LHX4: variants seen among roughly 807,000 people sequenced by gnomAD.
The protein encoded by LHX4 is LIM homeobox 4.
Under a neutral mutation model 39.2 loss-of-function variants are expected in LHX4, and 16 were observed. That is an observed-to-expected ratio of 0.41 (90% CI 0.28 to 0.62). The LOEUF (loss-of-function observed/expected upper bound fraction) is 0.62, where lower values mean the gene tolerates loss of function less well. Among genes scored for constraint, LHX4 ranks in the 20% least tolerant of loss-of-function variants. LHX4 has a pLI of 0.33. For missense variants in LHX4, 439 were observed against 511.9 expected, an observed-to-expected ratio of 0.86 and a Z score of 1.37; for synonymous variants, 206 against 198.1, an observed-to-expected ratio of 1.04 and a Z score of -0.33.
At chr1:180,228,578 T>A (rs1360145035), upstream of LHX4, among the ~76,000 whole-genome samples, 2 of 152,248 alleles carry the variant, frequency 1.3e-5, 1 homozygote, top group African/African-American at 4.8e-5. Context: ...CACATTTTGG[T>A]AAACACTAAA....
intron 1 of LHX4, among the ~76,000 whole-genome samples, chr1:180,241,173 G>A (rs1021015449): frequency 6.6e-6 from 1 of 152,332 alleles, no homozygotes; most frequent in African/African-American, 2.4e-5. Flanking sequence ...GAGAGACCAA[G>A]ATTTGGCAAC....
chr1:180,252,219 A>G (rs942826734), intron 2 of LHX4, among the ~76,000 whole-genome samples: 1 of 152,162 alleles, frequency 6.6e-6, no homozygotes, highest in Non-Finnish European at 1.5e-5. Flanking sequence ...GGGCACACAC[A>G]CAGTGGAGGT....
At chr1:180,269,468 A>G (rs1178883490) in intron 3 of LHX4, among the ~76,000 whole-genome samples, 2 of 152,244 alleles carry the variant, frequency 1.3e-5, no homozygotes, top group African/African-American at 4.8e-5. Context: ...TTAAAATAAC[A>G]GCATATTAGT....
At chr1:180,242,582 G>C (rs1664466658) in intron 1 of LHX4, among the ~76,000 whole-genome samples, 1 of 152,086 alleles carries the variant, frequency 6.6e-6, no homozygotes, top group African/African-American at 2.4e-5. Context: ...GGTACATGTG[G>C]GCTTAGGTCT....
At chr1:180,257,080 C>A (rs149142638) in intron 2 of LHX4, among the ~76,000 whole-genome samples, 17 of 152,326 alleles carry the variant, frequency 1.1e-4, no homozygotes, top group African/African-American at 4.1e-4. Flanking sequence ...CTGCACGTCC[C>A]GTTGCCTCTT....
chr1:180,229,676 G>A (rs946939451), upstream of LHX4, among the ~76,000 whole-genome samples: 8 of 151,924 alleles, frequency 5.3e-5, no homozygotes, highest in African/African-American at 1.9e-4. Flanking sequence ...GTCCGGCGGA[G>A]CGAAGCCGGG....
intron 1 of LHX4, among the ~76,000 whole-genome samples, chr1:180,237,136 C>T (rs1048492534): frequency 3.9e-5 from 6 of 151,972 alleles, no homozygotes; most frequent in Non-Finnish European, 8.8e-5. Flanking sequence ...TCTGTCTATC[C>T]CTTCCTTCCT....
intron 1 of LHX4, among the ~76,000 whole-genome samples, chr1:180,244,887 G>A (rs1338093098): frequency 6.7e-6 from 1 of 149,732 alleles, no homozygotes; most frequent in African/African-American, 2.5e-5. Context: ...CCAGGGCAGA[G>A]GTGCGGCTGT....
intron 2 of LHX4, among the ~76,000 whole-genome samples, chr1:180,257,173 A>G (rs1647893399): frequency 6.6e-6 from 1 of 152,170 alleles, no homozygotes. Flanking sequence ...ACTTCCTGCC[A>G]TGGATGGAGC....
At chr1:180,243,387 G>A (rs748662113) in intron 1 of LHX4, among the ~76,000 whole-genome samples, 18 of 151,920 alleles carry the variant, frequency 1.2e-4, no homozygotes, top group Non-Finnish European at 1.6e-4. Context: ...GAGGAGATCC[G>A]GTTCATGCAC....
rs1469500306 is a variant in LHX4 at position 180,266,278 on chromosome 1, G to T, written c.249-114G>T. 1.0e-5 allele frequency: 10 copies of T among 970,846 alleles called. No individual in the cohort carries two copies. The Admixed American group carries it at 1.7e-4, about 17-fold the overall frequency. 60.1% of individuals were successfully genotyped at this position (970,846 alleles called of 1,614,324 possible). On this transcript the variant is annotated intron_variant, in intron 2 of 5. Transcript: ENST00000263726. This position sits in a 1 kb window ranked among gnomAD's most constrained non-coding sequence, Gnocchi z 5.7. ...GGTAAGCTCTGGGTGACTGGGGGGT[G>T]AGGCTCATGGAGTCCCGGAGTGGTG...
intron 1 of LHX4, among the ~76,000 whole-genome samples, chr1:180,244,117 A>G (rs61809129): frequency 0.043 from 6,572 of 152,286 alleles, 206 homozygotes; most frequent in Non-Finnish European, 0.059. Context: ...CTGACGTAAT[A>G]CACACTCAAG....
chr1:180,265,544 G>A (rs572125310), intron 2 of LHX4, among the ~76,000 whole-genome samples: 1 of 152,332 alleles, frequency 6.6e-6, no homozygotes, highest in East Asian at 1.9e-4. Context: ...GCCTTGGCAG[G>A]GGGTGGCTTG....
intron 2 of LHX4, among the ~76,000 whole-genome samples, chr1:180,263,568 C>T (rs1354428978): frequency 4.6e-5 from 7 of 152,240 alleles, no homozygotes; most frequent in African/African-American, 1.7e-4. Flanking sequence ...GGAGCCACTT[C>T]CACTTCCCTT....
In LHX4 at chr1:180,230,697, CG is replaced by C; in HGVS notation, c.76+95del. On this transcript the variant is annotated intron_variant, in intron 1 of 5. Transcript: ENST00000263726. The surrounding 1 kb of genome is among the most constrained non-coding windows in gnomAD (Gnocchi z 5.8). ...GGCGGGCCGGACGCCGCTCAGGGGC[CG>C]GGAGGGGCTGGCGGCCGGGGCGCAG... 3 of 1,263,614 alleles carry C rather than the reference CG, an allele frequency of 2.4e-6. No individual in the cohort carries two copies. Among genetic ancestry groups the C allele is most frequent in the South Asian group, 1.2e-5 (1 of 81,124 alleles). 78.3% of individuals were successfully genotyped at this position (1,263,614 alleles called of 1,614,324 possible).
At chr1:180,271,763 C>T in intron 4 of LHX4, 72 bp from the exon 5 acceptor site, 1 of 1,567,012 alleles carries the variant, frequency 6.4e-7, no homozygotes. Context: ...CAGCCGCCCG[C>T]CTAGGGGGTC....
chr1:180,252,601 A>G (rs967454935), intron 2 of LHX4, among the ~76,000 whole-genome samples: 11 of 152,216 alleles, frequency 7.2e-5, no homozygotes, highest in African/African-American at 2.7e-4. Context: ...CTCTTTGCCC[A>G]TAACAAGGAA....
chr1:180,231,731 G>C (rs1285059929), intron 1 of LHX4, among the ~76,000 whole-genome samples: 1 of 151,960 alleles, frequency 6.6e-6, no homozygotes, highest in African/African-American at 2.4e-5. Flanking sequence ...ACATCTTCGG[G>C]GTTTACTTTA....
At chr1:180,243,724 C>T (rs1371644496) in intron 1 of LHX4, among the ~76,000 whole-genome samples, 1 of 152,058 alleles carries the variant, frequency 6.6e-6, no homozygotes, top group Non-Finnish European at 1.5e-5. Flanking sequence ...AGGCATCCAT[C>T]CCATATGACA....
Sources: gnomAD v4.1 joint callset for allele counts (sites outside exome capture counted in the v4.1 genomes callset) on GRCh38, gnomAD v4.1.1 for gene constraint, Gnocchi (gnomAD v3.1) non-coding constraint, MANE v1.5 for transcripts, NCBI Gene and HGNC (gene_info 2026-07-23, HGNC 2026-07-21) for gene names.